BCKDHB: variants seen among roughly 807,000 people sequenced by gnomAD.
BCKDHB encodes branched chain keto acid dehydrogenase E1 subunit beta.
BCKDHB carries 41 observed loss-of-function variants against 48.5 expected under a neutral mutation model. That is an observed-to-expected ratio of 0.85 (90% CI 0.66 to 1.10). BCKDHB has a LOEUF of 1.10. BCKDHB is among the 50% of genes least tolerant of loss of function. The pLI is 0.00. For missense variants in BCKDHB, 496 were observed against 494.2 expected (o/e 1.00, Z -0.03); for synonymous variants, 201 against 174.8 (o/e 1.15, Z -1.18).
At chr6:80,193,684 C>T (rs1303333904) in intron 6 of BCKDHB, among the ~76,000 whole-genome samples, 2 of 149,086 alleles carry the variant, frequency 1.3e-5, no homozygotes, top group Non-Finnish European at 3.0e-5. Context: ...TGTGCCACTG[C>T]ACTCTAGCCT....
At chr6:80,424,863 C>G in the BCKDHB span, among the ~76,000 whole-genome samples, 1 of 152,092 alleles carries the variant, frequency 6.6e-6, no homozygotes, top group Non-Finnish European at 1.5e-5. Context: ...TTGCTAGGTT[C>G]CTAGCATGGA....
At chr6:80,233,775 A>G (rs1055644760) in intron 8 of BCKDHB, among the ~76,000 whole-genome samples, 1 of 152,202 alleles carries the variant, frequency 6.6e-6, no homozygotes, top group Non-Finnish European at 1.5e-5. Flanking sequence ...TTTTATTCAG[A>G]GACTTCTAAA....
intron 8 of BCKDHB, among the ~76,000 whole-genome samples, chr6:80,272,859 A>C (rs917218229): frequency 6.6e-6 from 1 of 151,960 alleles, no homozygotes; most frequent in Non-Finnish European, 1.5e-5. Context: ...TCTTACAATA[A>C]TGGGTATGCA....
chr6:80,147,826 A>T (rs1481576460), intron 3 of BCKDHB, among the ~76,000 whole-genome samples: 1 of 152,094 alleles, frequency 6.6e-6, no homozygotes. Flanking sequence ...AGAGGTAATG[A>T]GAGTCTAAAT....
At chr6:80,286,669 T>G (rs957683817) in intron 9 of BCKDHB, among the ~76,000 whole-genome samples, 24 of 152,168 alleles carry the variant, frequency 1.6e-4, no homozygotes, top group African/African-American at 5.8e-4. Flanking sequence ...TAGATGGGCT[T>G]CTCAGGTACT....
At chr6:80,388,633 A>C in the BCKDHB span, among the ~76,000 whole-genome samples, 1 of 152,174 alleles carries the variant, frequency 6.6e-6, no homozygotes. Flanking sequence ...AGTAAGTTAC[A>C]TGAGGAAGTG....
intron 3 of BCKDHB, among the ~76,000 whole-genome samples, chr6:80,149,960 C>G (rs986958163): frequency 1.4e-5 from 2 of 144,336 alleles, no homozygotes; most frequent in African/African-American, 2.6e-5. Context: ...CACATGTACC[C>G]TAAAACTTAA....
At chr6:80,144,951 T>C (rs981768054) in intron 3 of BCKDHB, among the ~76,000 whole-genome samples, 5 of 152,176 alleles carry the variant, frequency 3.3e-5, no homozygotes, top group African/African-American at 1.2e-4. Flanking sequence ...TCATTTTCCC[T>C]AGAATATCTC....
At chr6:80,324,871 T>TCAACTAGTAACTG (rs1411987179) in intron 9 of BCKDHB, among the ~76,000 whole-genome samples, 3 of 152,192 alleles carry the variant, frequency 2.0e-5, no homozygotes, top group Admixed American at 6.5e-5. Flanking sequence ...AGGTCGTATT[T>TCAACTAGTAACTG]CAACTAGTAA....
At chr6:80,343,055 C>T (rs1329076117) in intron 9 of BCKDHB, among the ~76,000 whole-genome samples, 3 of 152,084 alleles carry the variant, frequency 2.0e-5, no homozygotes, top group South Asian at 2.1e-4. Context: ...GGCTTCCCAG[C>T]GGGAGTGATT....
intron 8 of BCKDHB, among the ~76,000 whole-genome samples, chr6:80,254,964 A>G (rs1268173321): frequency 6.6e-6 from 1 of 152,226 alleles, no homozygotes; most frequent in Non-Finnish European, 1.5e-5. Context: ...CAAAAAGATC[A>G]TTCCCCCTCA....
At chr6:80,116,914 G>C (rs1769736778) in intron 1 of BCKDHB, among the ~76,000 whole-genome samples, 1 of 152,058 alleles carries the variant, frequency 6.6e-6, no homozygotes, top group Non-Finnish European at 1.5e-5. Context: ...CTATAAGTAG[G>C]TTTATCTTAC....
chr6:80,108,953 A>C (rs1230642354), intron 1 of BCKDHB, among the ~76,000 whole-genome samples: 5 of 152,226 alleles, frequency 3.3e-5, no homozygotes, highest in Admixed American at 3.3e-4. Context: ...ATTTCCTTTT[A>C]GTTTCGTATT....
At chr6:80,219,431 T>C (rs1775314102) in intron 8 of BCKDHB, among the ~76,000 whole-genome samples, 1 of 152,092 alleles carries the variant, frequency 6.6e-6, no homozygotes, top group African/African-American at 2.4e-5. Context: ...GGTCTCAAAC[T>C]CCTGACTTCG....
intron 9 of BCKDHB, among the ~76,000 whole-genome samples, chr6:80,324,678 C>T (rs1768941255): frequency 6.6e-6 from 1 of 152,094 alleles, no homozygotes; most frequent in African/African-American, 2.4e-5. Context: ...TCTCACTACC[C>T]TCCCTTCTCT....
At chr6:80,179,737 G>A (rs941114444) in intron 6 of BCKDHB, among the ~76,000 whole-genome samples, 1 of 152,098 alleles carries the variant, frequency 6.6e-6, no homozygotes, top group African/African-American at 2.4e-5. Flanking sequence ...GGATTAATTT[G>A]CTTCTTTGAA....
intron 9 of BCKDHB, among the ~76,000 whole-genome samples, chr6:80,333,498 T>G (rs1176529673): frequency 1.3e-5 from 2 of 152,200 alleles, no homozygotes; most frequent in African/African-American, 4.8e-5. Context: ...ACATTTTTTT[T>G]CTATATGCCT....
At chr6:80,323,676 A>ATAAC in intron 9 of BCKDHB, among the ~76,000 whole-genome samples, 1 of 152,280 alleles carries the variant, frequency 6.6e-6, no homozygotes, top group Non-Finnish European at 1.5e-5. Context: ...TTTTGCCCTC[A>ATAAC]TAACTCACTT....
chr6:80,185,464 C>T (rs879914090), intron 6 of BCKDHB, among the ~76,000 whole-genome samples: 5 of 151,946 alleles, frequency 3.3e-5, no homozygotes, highest in Non-Finnish European at 7.4e-5. Flanking sequence ...TGTTGGAGAG[C>T]GAGTGTGATC....
Sources: gnomAD v4.1 joint callset for allele counts (sites outside exome capture counted in the v4.1 genomes callset) on GRCh38, gnomAD v4.1.1 for gene constraint, MANE v1.5 for transcripts, NCBI Gene and HGNC (gene_info 2026-07-23, HGNC 2026-07-21) for gene names.